RASGRP3: variants seen among roughly 807,000 people sequenced by gnomAD.
RASGRP3 encodes the protein RAS guanyl releasing protein 3.
RASGRP3 carries 54 observed loss-of-function variants against 82.7 expected under a neutral mutation model. The observed-to-expected ratio is 0.65, with a 90% CI of 0.52 to 0.82. The LOEUF (loss-of-function observed/expected upper bound fraction) is 0.82, where lower values mean the gene tolerates loss of function less well. Among genes scored for constraint, RASGRP3 ranks in the 40% least tolerant of loss-of-function variants. RASGRP3 has a pLI of 0.00. For synonymous variants in RASGRP3, 309 were observed against 300.5 expected (o/e 1.03, Z -0.29); for missense variants, 861 against 828.9 (o/e 1.04, Z -0.48).
chr2:33,464,576 G>A (rs1358830161), intron 2 of RASGRP3, among the ~76,000 whole-genome samples: 1 of 151,710 alleles, frequency 6.6e-6, no homozygotes, highest in African/African-American at 2.4e-5. Context: ...CTGCTCAAGT[G>A]GTCCTCCCAC....
At chr2:33,518,882 C>CATA (rs1671722310) in intron 4 of RASGRP3, among the ~76,000 whole-genome samples, 1 of 152,002 alleles carries the variant, frequency 6.6e-6, no homozygotes, top group African/African-American at 2.4e-5. Flanking sequence ...TGGAGCTGGT[C>CATA]ATCTCCTATG....
At chr2:33,479,298 T>A (rs1015410682) in intron 1 of RASGRP3, among the ~76,000 whole-genome samples, 28 of 152,308 alleles carry the variant, frequency 1.8e-4, no homozygotes, top group African/African-American at 5.3e-4. Flanking sequence ...GTCTTGATGT[T>A]GGTAAGAACA....
intron 12 of RASGRP3, among the ~76,000 whole-genome samples, chr2:33,543,223 C>G (rs982567612): frequency 6.6e-6 from 1 of 152,132 alleles, no homozygotes; most frequent in Non-Finnish European, 1.5e-5. Context: ...CTATATTGCT[C>G]AGGCTGGTCT....
At chr2:33,517,708 AT>A (rs1671601283) in intron 4 of RASGRP3, among the ~76,000 whole-genome samples, 1 of 152,202 alleles carries the variant, frequency 6.6e-6, no homozygotes, top group South Asian at 2.1e-4. Flanking sequence ...ATAGGTAAGG[AT>A]GGAGGGCATT....
chr2:33,459,423 T>C (rs1025437148), intron 2 of RASGRP3, among the ~76,000 whole-genome samples: 1 of 152,206 alleles, frequency 6.6e-6, no homozygotes, highest in Non-Finnish European at 1.5e-5. Context: ...CGTGAGCCAC[T>C]GCACCCAGCC....
At chr2:33,502,784 G>A (rs78617595) in intron 1 of RASGRP3, among the ~76,000 whole-genome samples, 2,343 of 152,178 alleles carry the variant, frequency 0.015, 110 homozygotes, top group East Asian at 0.093. Flanking sequence ...CAAAGTGCTG[G>A]GATTACAGGT....
intron 1 of RASGRP3, among the ~76,000 whole-genome samples, chr2:33,506,123 A>G (rs1261790353): frequency 1.3e-5 from 2 of 152,246 alleles, no homozygotes; most frequent in South Asian, 4.1e-4. Context: ...ACTTCTGTTC[A>G]GTACTTGGTA....
upstream of RASGRP3, among the ~76,000 whole-genome samples, chr2:33,475,928 G>C (rs1200122230): frequency 6.6e-6 from 1 of 152,200 alleles, no homozygotes; most frequent in Non-Finnish European, 1.5e-5. Flanking sequence ...TCAGCTGCTC[G>C]ATGCAATTCA....
At chr2:33,472,378 C>T (rs145034780), upstream of RASGRP3, among the ~76,000 whole-genome samples, 107 of 152,264 alleles carry the variant, frequency 7.0e-4, no homozygotes, top group African/African-American at 2.4e-3. Flanking sequence ...AAGTTGCCTA[C>T]GATGGCCCGG....
chr2:33,545,432 TC>T (rs2151082235), intron 13 of RASGRP3, among the ~76,000 whole-genome samples: 1 of 152,366 alleles, frequency 6.6e-6, no homozygotes, highest in South Asian at 2.1e-4. Context: ...TAAATAGGTG[TC>T]TTTACTGTGT....
chr2:33,505,553 C>T (rs551864384), intron 1 of RASGRP3, among the ~76,000 whole-genome samples: 13 of 152,228 alleles, frequency 8.5e-5, no homozygotes, highest in Admixed American at 7.2e-4. Context: ...CCGCCCACAG[C>T]CTCTTAAAGT....
At chr2:33,461,924 C>A (rs538089155) in intron 2 of RASGRP3, among the ~76,000 whole-genome samples, 1 of 152,240 alleles carries the variant, frequency 6.6e-6, no homozygotes, top group African/African-American at 2.4e-5. Context: ...AACCAAGAGG[C>A]TGTGATGGTT....
intron 12 of RASGRP3, among the ~76,000 whole-genome samples, chr2:33,542,923 C>T (rs555778694): frequency 3.9e-5 from 6 of 152,038 alleles, no homozygotes; most frequent in Non-Finnish European, 8.8e-5. Context: ...GAATTCCTGA[C>T]CTCAGGTGAT....
At chr2:33,514,557 T>C (rs181189023) in intron 2 of RASGRP3, among the ~76,000 whole-genome samples, 127 of 147,040 alleles carry the variant, frequency 8.6e-4, no homozygotes, top group African/African-American at 3.1e-3. Context: ...TGGTGGTGTG[T>C]GTCTGTAGTC....
intron 1 of RASGRP3, among the ~76,000 whole-genome samples, chr2:33,485,116 T>C (rs1490543154): frequency 6.6e-6 from 1 of 152,188 alleles, no homozygotes; most frequent in Admixed American, 6.5e-5. Flanking sequence ...GAAAATCACT[T>C]GAACCCAGGA....
chr2:33,498,014 C>T (rs944634206), intron 1 of RASGRP3, among the ~76,000 whole-genome samples: 91 of 152,160 alleles, frequency 6.0e-4, no homozygotes, highest in Non-Finnish European at 1.1e-3. Context: ...GCCCTTCTTT[C>T]CTTTCTCCCT....
At chr2:33,507,860 A>T (rs189442081) in intron 1 of RASGRP3, among the ~76,000 whole-genome samples, 6 of 152,220 alleles carry the variant, frequency 3.9e-5, no homozygotes, top group Admixed American at 3.9e-4. Flanking sequence ...TTTCAGCTGC[A>T]GAATGGAGAA....
intron 1 of RASGRP3, among the ~76,000 whole-genome samples, chr2:33,490,854 C>T (rs1433907242): frequency 2.0e-5 from 3 of 152,328 alleles, no homozygotes; most frequent in Non-Finnish European, 4.4e-5. Context: ...CTGTTTAGTT[C>T]ACTGCCGGAT....
At chr2:33,472,688 G>A (rs1399514814), upstream of RASGRP3, among the ~76,000 whole-genome samples, 4 of 152,114 alleles carry the variant, frequency 2.6e-5, no homozygotes, top group Non-Finnish European at 5.9e-5. Flanking sequence ...CAAGTAAGAT[G>A]GCTCACGCCT....
Sources: allele counts gnomAD v4.1 joint callset (sites outside exome capture counted in the v4.1 genomes callset), GRCh38; gene constraint gnomAD v4.1.1; transcripts MANE v1.5; gene names NCBI Gene and HGNC (gene_info 2026-07-23, HGNC 2026-07-21).